DYTN: variants seen among roughly 807,000 people sequenced by gnomAD.
DYTN encodes the protein dystrotelin.
DYTN carries 75 observed loss-of-function variants against 69.6 expected under a neutral mutation model. The ratio of observed to expected loss-of-function variants is 1.08; its 90% CI spans 0.89 to 1.31. DYTN has a LOEUF of 1.31. DYTN is among the 50% of genes most tolerant of loss of function. The pLI, the probability that DYTN is intolerant of heterozygous loss-of-function variation, is 0.00. For missense variants in DYTN, 726 were observed against 688.4 expected, an observed-to-expected ratio of 1.05 and a Z score of -0.61; for synonymous variants, 252 against 249.1, an observed-to-expected ratio of 1.01 and a Z score of -0.11.
At chr2:206,658,783 A>G (rs2105886709) in intron 11 of DYTN, among the ~76,000 whole-genome samples, 1 of 152,244 alleles carries the variant, frequency 6.6e-6, no homozygotes, top group East Asian at 1.9e-4. Flanking sequence ...CCAAGATACC[A>G]TCTTTGTTCT....
intron 9 of DYTN, 140 bp downstream of exon 9, chr2:206,693,035 A>G: frequency 7.9e-7 from 1 of 1,263,824 alleles, no homozygotes; most frequent in Non-Finnish European, 1.0e-6. Context: ...GAGGAAAAAA[A>G]TATCTGAAGT....
At chr2:206,692,999 T>C (rs941130537) in intron 9 of DYTN, among the ~76,000 whole-genome samples, 176 bp downstream of exon 9, 2 of 152,214 alleles carry the variant, frequency 1.3e-5, no homozygotes, top group African/African-American at 4.8e-5. Context: ...CTCTTAGTTC[T>C]ACTTTGAAAT....
At chr2:206,701,143 A>T (rs1310135793) in intron 5 of DYTN, 23 of 152,196 alleles carry the variant, frequency 1.5e-4, no homozygotes, top group Admixed American at 1.5e-3. Context: ...TCTGTAACTG[A>T]CTAAACAATC....
intron 9 of DYTN, among the ~76,000 whole-genome samples, chr2:206,684,186 A>G (rs1699782435): frequency 6.6e-6 from 1 of 152,220 alleles, no homozygotes; most frequent in Non-Finnish European, 1.5e-5. Flanking sequence ...TTGTACTTCT[A>G]CCAGATTTCA....
chr2:206,717,319 A>G (rs1475770367), intron 1 of DYTN, among the ~76,000 whole-genome samples: 2 of 152,242 alleles, frequency 1.3e-5, no homozygotes, highest in Non-Finnish European at 2.9e-5. Context: ...TCCATCATCT[A>G]GTTCAATGAT....
In DYTN at chr2:206,705,079, A is replaced by T. The variant is rs16838630; in HGVS notation, c.383-136T>A. ...AAAGTTATGTTCTTGATTATTGGCT[A>T]GCTATTATGAAGGCCTCCAAAACTA... On this transcript the variant is annotated intron_variant, in intron 4 of 11. Transcript: ENST00000452335. 1.8e-5 allele frequency: 13 copies of T among 722,230 alleles called. No individual in the cohort carries two copies. In the East Asian group the frequency reaches 3.0e-4, roughly 17 times the overall value. The allele number at this position is 722,230 out of a possible 1,614,324, so 44.7% of individuals were successfully genotyped here. A position where few individuals can be genotyped will look rare whatever the true frequency, so the allele number is the denominator to read the frequency against.
chr2:206,700,309 G>C (rs1231219757), intron 5 of DYTN, 93 bp from the exon 6 acceptor site: 1 of 1,328,882 alleles, frequency 7.5e-7, no homozygotes, highest in African/African-American at 1.4e-5. Context: ...CCACGGCTGT[G>C]TAGTCACAAG....
chr2:206,653,440 T>C (rs1006230264), intron 11 of DYTN, among the ~76,000 whole-genome samples: 1 of 152,210 alleles, frequency 6.6e-6, no homozygotes, highest in African/African-American at 2.4e-5. Flanking sequence ...AATGAGATGT[T>C]AGATGGAACA....
intron 11 of DYTN, among the ~76,000 whole-genome samples, chr2:206,661,694 A>G (rs948976583): frequency 6.6e-6 from 1 of 152,212 alleles, no homozygotes; most frequent in Non-Finnish European, 1.5e-5. Context: ...TATAATACAT[A>G]TGACATGCAA....
chr2:206,716,245 A>T (rs1171184578), intron 1 of DYTN, among the ~76,000 whole-genome samples: 1 of 152,176 alleles, frequency 6.6e-6, no homozygotes, highest in Non-Finnish European at 1.5e-5. Context: ...GTTACACATA[A>T]GATACTGAGT....
At chr2:206,696,583 C>T (rs951724373) in intron 7 of DYTN, among the ~76,000 whole-genome samples, 4 of 152,138 alleles carry the variant, frequency 2.6e-5, no homozygotes, top group Admixed American at 2.0e-4. Context: ...GGTATTCATA[C>T]GATTACCCTC....
chr2:206,656,529 TTCTG>T (rs965813457), intron 11 of DYTN, among the ~76,000 whole-genome samples: 4 of 152,150 alleles, frequency 2.6e-5, no homozygotes, highest in African/African-American at 4.8e-5. Flanking sequence ...GAGAGTTGTT[TTCTG>T]TCTGTCTTTT....
intron 5 of DYTN, chr2:206,701,277 C>T (rs1699973867): frequency 6.6e-6 from 1 of 152,042 alleles, no homozygotes; most frequent in Non-Finnish European, 1.5e-5. Flanking sequence ...TAATTACTAC[C>T]CTTGTTTAAA....
At chr2:206,671,992 T>G (rs1699634943) in intron 9 of DYTN, among the ~76,000 whole-genome samples, 1 of 152,228 alleles carries the variant, frequency 6.6e-6, no homozygotes, top group Non-Finnish European at 1.5e-5. Flanking sequence ...GTTTTAAGTT[T>G]AATAGACACT....
intron 5 of DYTN, among the ~76,000 whole-genome samples, chr2:206,703,138 C>T (rs1699992318): frequency 6.6e-6 from 1 of 152,178 alleles, no homozygotes; most frequent in African/African-American, 2.4e-5. Flanking sequence ...TCTAGTTCAG[C>T]AGCTCATTGA....
At chr2:206,681,496 T>G (rs1455606112) in intron 9 of DYTN, among the ~76,000 whole-genome samples, 1 of 152,216 alleles carries the variant, frequency 6.6e-6, no homozygotes, top group Non-Finnish European at 1.5e-5. Flanking sequence ...TTCAGTATGA[T>G]ATTGTCTGTG....
In DYTN at chr2:206,682,190, T is replaced by C. The variant is rs370971940; in HGVS notation, c.980+10985A>G. 1.3e-3 allele frequency among the ~76,000 whole-genome samples: 194 copies of C among 152,328 alleles called. 3 individuals carry two copies. Among genetic ancestry groups the C allele is most frequent in the African/African-American group, 4.4e-3 (184 of 41,582 alleles). ...TAGAGGTGTTTACAGTATTCTCTGA[T>C]GGTAGATTGTATTTCTGTAGGGTCA... On this transcript the variant is annotated intron_variant, in intron 9 of 11. Coordinates refer to ENST00000452335, the MANE Select transcript of DYTN (RefSeq NM_001093730.1).
chr2:206,660,040 A>G (rs1415746961), intron 11 of DYTN, among the ~76,000 whole-genome samples: 1 of 152,152 alleles, frequency 6.6e-6, no homozygotes, highest in Non-Finnish European at 1.5e-5. Flanking sequence ...GATGTGTACC[A>G]TTCTGCTCAT....
At chr2:206,717,890 C>T (rs1052852707) in intron 1 of DYTN, among the ~76,000 whole-genome samples, 2 of 152,170 alleles carry the variant, frequency 1.3e-5, no homozygotes, top group Non-Finnish European at 2.9e-5. Flanking sequence ...CTACACAGTA[C>T]TGTGAACTTA....
Sources: allele counts gnomAD v4.1 joint callset (sites outside exome capture counted in the v4.1 genomes callset), GRCh38; gene constraint gnomAD v4.1.1; transcripts MANE v1.5; gene names NCBI Gene and HGNC (gene_info 2026-07-23, HGNC 2026-07-21).